Variants in ADAP2 observed in about 807,000 individuals in gnomAD.
ADAP2 encodes the protein ArfGAP with dual PH domains 2.
A neutral mutation model predicts 54.9 loss-of-function variants in ADAP2; 42 were observed. The ratio of observed to expected loss-of-function variants is 0.77; its 90% CI spans 0.60 to 0.99. The LOEUF (loss-of-function observed/expected upper bound fraction) is 0.99, where lower values mean the gene tolerates loss of function less well. ADAP2 is among the 50% of genes least tolerant of loss of function. The pLI, the probability that ADAP2 is intolerant of heterozygous loss-of-function variation, is 0.00. For missense variants in ADAP2, 429 were observed against 480.4 expected (o/e 0.89, Z 1.00); for synonymous variants, 177 against 180.1 (o/e 0.98, Z 0.14).
chr17:30,934,030 C>T (rs1911691286), intron 4 of ADAP2, among the ~76,000 whole-genome samples, 155 bp from the exon 5 acceptor site: 3 of 152,108 alleles, frequency 2.0e-5, no homozygotes, highest in Admixed American at 2.0e-4. Context: ...CAGATGGGAT[C>T]CTTGTGTTCT....
chr17:30,935,531 G>A (rs944976940), intron 5 of ADAP2, among the ~76,000 whole-genome samples: 5 of 152,100 alleles, frequency 3.3e-5, no homozygotes, highest in Admixed American at 2.6e-4. Context: ...ATGGCTATGT[G>A]GGGGGAAGAA....
At chr17:30,943,714 G>A (rs1416880840) in intron 5 of ADAP2, among the ~76,000 whole-genome samples, 2 of 152,094 alleles carry the variant, frequency 1.3e-5, no homozygotes, top group East Asian at 1.9e-4. Context: ...AGGCATGGCG[G>A]CACGTGTCTG....
At chr17:30,932,049 G>A in intron 4 of ADAP2, 81 bp downstream of exon 4, 7 of 1,364,190 alleles carry the variant, frequency 5.1e-6, no homozygotes, top group South Asian at 2.4e-5. Flanking sequence ...TTAGGAGCAA[G>A]ATCCATCCAA....
intron 5 of ADAP2, among the ~76,000 whole-genome samples, chr17:30,935,634 C>G (rs1463121887): frequency 6.6e-6 from 1 of 152,112 alleles, no homozygotes; most frequent in Non-Finnish European, 1.5e-5. Context: ...AAAGATGATC[C>G]CTTTAAGAGG....
chr17:30,932,033 T>A, intron 4 of ADAP2, 65 bp downstream of exon 4: 1 of 1,471,248 alleles, frequency 6.8e-7, no homozygotes, highest in Non-Finnish European at 9.5e-7. Context: ...ACCAAGTGCC[T>A]AAATATTAGG....
chr17:30,932,350 A>G (rs1911557131), intron 4 of ADAP2, among the ~76,000 whole-genome samples: 1 of 150,022 alleles, frequency 6.7e-6, no homozygotes, highest in Non-Finnish European at 1.5e-5. Flanking sequence ...CTCCCACCTC[A>G]GCCTCCCAAC....
chr17:30,941,785 T>TGGGGTG (rs770346723), intron 5 of ADAP2, among the ~76,000 whole-genome samples: 5 of 152,180 alleles, frequency 3.3e-5, no homozygotes, highest in Non-Finnish European at 7.4e-5. Context: ...GGTGTTGGAA[T>TGGGGTG]GGGGTAGAGA....
chr17:30,954,297 T>G, intron 8 of ADAP2, 181 bp from the exon 9 acceptor site: 1 of 608,992 alleles, frequency 1.6e-6, no homozygotes, highest in South Asian at 2.0e-5. Flanking sequence ...GGCAGAACCT[T>G]CAGAGCCTGA....
intron 5 of ADAP2, among the ~76,000 whole-genome samples, chr17:30,942,258 G>T (rs906005263): frequency 6.6e-6 from 1 of 152,124 alleles, no homozygotes; most frequent in African/African-American, 2.4e-5. Context: ...AATAAATGTT[G>T]ATTAAGTGAA....
At chr17:30,945,120 C>T (rs933841735) in intron 6 of ADAP2, 67 bp downstream of exon 6, 47 of 1,559,100 alleles carry the variant, frequency 3.0e-5, no homozygotes, top group Non-Finnish European at 3.8e-5. Context: ...GTGCAGCTCA[C>T]CACCTCCCCT....
chr17:30,950,774 C>G (rs553969559), intron 7 of ADAP2, among the ~76,000 whole-genome samples: 16 of 152,288 alleles, frequency 1.1e-4, no homozygotes, highest in Non-Finnish European at 1.9e-4. Flanking sequence ...TTGAGTCAGT[C>G]TGCTGAGTTT....
At chr17:30,950,519 T>C (rs1904551380) in intron 7 of ADAP2, among the ~76,000 whole-genome samples, 1 of 152,198 alleles carries the variant, frequency 6.6e-6, no homozygotes, top group South Asian at 2.1e-4. Context: ...TGAGATTCTA[T>C]GCTCTGGTCC....
intron 6 of ADAP2, among the ~76,000 whole-genome samples, chr17:30,947,729 A>C (rs1008408147): frequency 6.6e-6 from 1 of 152,220 alleles, no homozygotes; most frequent in Non-Finnish European, 1.5e-5. Context: ...CGCCTATGAG[A>C]GAGAAAGAGA....
chr17:30,929,891 T>C (rs551244020), intron 3 of ADAP2, among the ~76,000 whole-genome samples: 19 of 152,008 alleles, frequency 1.2e-4, no homozygotes, highest in African/African-American at 4.1e-4. Flanking sequence ...GTTTTTATTT[T>C]TGTAGAGATG....
At chr17:30,924,130 TG>T (rs1301581664) in intron 2 of ADAP2, among the ~76,000 whole-genome samples, 1 of 152,066 alleles carries the variant, frequency 6.6e-6, no homozygotes, top group Non-Finnish European at 1.5e-5. Context: ...CCCAGCACTT[TG>T]GGGGGCTGAG....
rs141634746 is a variant in ADAP2 at position 30,949,974 on chromosome 17, A to G, written c.741+604A>G. The stretch of plus-strand genomic sequence containing the variant: ...TCAGCAATTGGTCATCTCTTTCTGA[A>G]CCCTTCTCCCTCTAAAATGTACAAA... On this transcript the variant is annotated intron_variant, in intron 7 of 10. Coordinates refer to ENST00000330889, the MANE Select transcript of ADAP2 (RefSeq NM_018404.3). 3.6e-4 allele frequency among the ~76,000 whole-genome samples: 54 copies of G among 152,052 alleles called. 1 individual carries two copies. The East Asian group carries it at 9.1e-3, about 26-fold the overall frequency.
At chr17:30,926,285 A>G (rs12450237) in intron 2 of ADAP2, among the ~76,000 whole-genome samples, 4 of 152,184 alleles carry the variant, frequency 2.6e-5, no homozygotes, top group Admixed American at 2.6e-4. Flanking sequence ...TTGGTGCATC[A>G]GCCTCTGGGT....
chr17:30,945,137 T>C, intron 6 of ADAP2, 84 bp downstream of exon 6: 1 of 1,491,732 alleles, frequency 6.7e-7, no homozygotes, highest in Non-Finnish European at 9.1e-7. Flanking sequence ...CCCTGCTCAC[T>C]GGTGCTGTGC....
chr17:30,954,412 G>T, intron 8 of ADAP2, 66 bp from the exon 9 acceptor site: 1 of 1,430,674 alleles, frequency 7.0e-7, no homozygotes. Context: ...GGGCTGGGCT[G>T]GCCCCTGACC....
Sources: gnomAD v4.1 joint callset for allele counts (sites outside exome capture counted in the v4.1 genomes callset) on GRCh38, gnomAD v4.1.1 for gene constraint, MANE v1.5 for transcripts, NCBI Gene and HGNC (gene_info 2026-07-23, HGNC 2026-07-21) for gene names.